The following PDIA4 variants were observed in gnomAD, a reference collection of about 807,000 sequenced individuals.
The protein encoded by PDIA4 is protein disulfide isomerase family A member 4.
A neutral mutation model predicts 62.1 loss-of-function variants in PDIA4; 33 were observed. The observed-to-expected ratio is 0.53, with a 90% CI of 0.40 to 0.71. The LOEUF is 0.71. Ranked by LOEUF, PDIA4 falls within the 30% of genes least tolerant of loss-of-function variation. The pLI, the probability that PDIA4 is intolerant of heterozygous loss-of-function variation, is 0.00. For synonymous variants in PDIA4, 341 were observed against 324.1 expected (o/e 1.05, Z -0.56); for missense variants, 804 against 813.6 (o/e 0.99, Z 0.14).
chr7:149,019,403 C>T (rs934356654), intron 2 of PDIA4, among the ~76,000 whole-genome samples: 5 of 152,126 alleles, frequency 3.3e-5, no homozygotes, highest in African/African-American at 1.2e-4. Context: ...TAGGCAAATG[C>T]ACTTTCACGA....
intron 3 of PDIA4, among the ~76,000 whole-genome samples, chr7:149,016,914 T>C (rs1054956148): frequency 6.6e-6 from 1 of 152,198 alleles, no homozygotes; most frequent in Admixed American, 6.5e-5. Context: ...ATGTATTACC[T>C]AGTCAACAAA....
In PDIA4 at chr7:149,006,032, T is replaced by A; in HGVS notation, c.1153A>T (p.Ile385Phe). ...DVQGSTQDSA[I>F]KDFVLKYALP... ...GCGTACTTCAGCACGAAGTCCTTGA[T>A]GGCCGAGTCCTGGGTGGAGCCCTGC... Residue 385 changes from isoleucine (I) to phenylalanine (F), a missense_variant, in exon 8 of 10, where the codon ATC (isoleucine) becomes TTC (phenylalanine). Coordinates refer to ENST00000652332, the MANE Select transcript of PDIA4 (RefSeq NM_004911.5). The A allele has an allele frequency of 6.4e-7, 1 of 1,565,366 alleles. No individual in the cohort carries two copies.
intron 1 of PDIA4, among the ~76,000 whole-genome samples, chr7:149,025,085 A>ATATATATATATATATATATATAT (rs1279233879): frequency 1.8e-4 from 4 of 22,346 alleles, no homozygotes; most frequent in African/African-American, 2.4e-4. Context: ...AAAAAAAAAA[A>ATATATATATATATATATATATAT]ATATATATAT....
intron 6 of PDIA4, among the ~76,000 whole-genome samples, chr7:149,010,337 A>G (rs1022020002): frequency 3.3e-5 from 5 of 152,048 alleles, no homozygotes; most frequent in African/African-American, 7.2e-5. Flanking sequence ...TGTCTCCACA[A>G]AAAAAATTAG....
chr7:149,005,309 T>C lies in PDIA4; in HGVS notation c.1354A>G (p.Ile452Val). Residue 452 changes from isoleucine to valine, a missense_variant, in exon 9 of 10, where the codon ATT becomes GTT. Coordinates refer to ENST00000652332, the MANE Select transcript of PDIA4 (RefSeq NM_004911.5). ...CCAGCATAGTCCTCTTCGTCCGCAATGGCAAAGGTGTACTCAGGGAAGTCC... is the reference window on the plus strand; with the variant it reads ...CCAGCATAGTCCTCTTCGTCCGCAACGGCAAAGGTGTACTCAGGGAAGTCC... The part of the protein sequence containing the change: ...AKDFPEYTFA[I>V]ADEEDYAGEV... 6 of 1,614,130 alleles carry C rather than the reference T, an allele frequency of 3.7e-6. No individual in the cohort carries two copies. Among genetic ancestry groups the C allele is most frequent in the Non-Finnish European group, 5.1e-6 (6 of 1,180,018 alleles).
chr7:149,006,631 C>T (rs183903247), intron 7 of PDIA4, among the ~76,000 whole-genome samples: 29 of 152,216 alleles, frequency 1.9e-4, no homozygotes, highest in Non-Finnish European at 1.0e-4. Flanking sequence ...CAAGAGGGCC[C>T]CGCTGGTGAG....
intron 6 of PDIA4, among the ~76,000 whole-genome samples, chr7:149,010,557 G>C (rs1284625189): frequency 6.6e-6 from 1 of 152,148 alleles, no homozygotes; most frequent in Non-Finnish European, 1.5e-5. Context: ...CAGGTGTCCT[G>C]GGGATTTGTA....
At chr7:149,025,488 G>A (rs968625862) in intron 1 of PDIA4, among the ~76,000 whole-genome samples, 2 of 152,180 alleles carry the variant, frequency 1.3e-5, no homozygotes, top group Non-Finnish European at 2.9e-5. Context: ...ATGATAGCTG[G>A]TATTTATTGT....
chr7:149,009,792 T>A (rs1314403143), intron 6 of PDIA4, among the ~76,000 whole-genome samples: 2 of 152,224 alleles, frequency 1.3e-5, no homozygotes, highest in Non-Finnish European at 2.9e-5. Context: ...AAAGACAGGC[T>A]ATGGCCAGAA....
intron 6 of PDIA4, among the ~76,000 whole-genome samples, chr7:149,009,321 C>T (rs774305680): frequency 2.0e-5 from 3 of 152,094 alleles, no homozygotes; most frequent in South Asian, 2.1e-4. Context: ...AAAAAAACCC[C>T]GGAAAAGTTC....
rs41278749 is a variant in PDIA4 at position 149,014,850 on chromosome 7, G to A, written c.614+54C>T. Reference sequence around the variant, plus strand: ...CTCACGGGCAGGGGCCTGCCACCCCGCACCTAGTGCCCACCAGGGTACTGA... The same window carrying A: ...CTCACGGGCAGGGGCCTGCCACCCCACACCTAGTGCCCACCAGGGTACTGA... On this transcript the variant is annotated intron_variant, in intron 4 of 9. Transcript: ENST00000652332. The A allele has an allele frequency of 7.8e-4, 1,234 of 1,572,414 alleles. 2 individuals carry two copies. The highest frequency in any genetic ancestry group is 8.4e-4 in the Non-Finnish European group (958 of 1,146,534).
chr7:149,019,044 C>A lies in PDIA4; in HGVS notation c.423G>T (p.Lys141Asn), dbSNP rs200271711. ...CTACAGCCTGCCCCTTCTTAAGGAT[C>A]TTGATGGTGGGGTAGCCACTCACAT... Reference protein sequence around the residue: ...RFDVSGYPTIKILKKGQAVDY... With the variant: ...RFDVSGYPTINILKKGQAVDY... Residue 141 changes from lysine to asparagine, a missense_variant, in exon 3 of 10, where the codon AAG (lysine) becomes AAT (asparagine). Lys to Asn is a moderately conservative substitution (Grantham distance 94). Transcript: ENST00000652332. The A allele has an allele frequency of 6.2e-7, 1 of 1,613,802 alleles. No individual in the cohort carries two copies. Among genetic ancestry groups the A allele is most frequent in the Admixed American group, 1.7e-5 (1 of 59,972 alleles).
At position 149,011,885 on chromosome 7, in the gene PDIA4, C is replaced by A. The variant is rs143550335; in HGVS notation, c.940G>T (p.Gly314Trp). Reference protein sequence around the residue: ...DDVIIIGVFKGESDPAYQQYQ... With the variant: ...DDVIIIGVFKWESDPAYQQYQ... Reference sequence around the variant, plus strand: ...TGCTGGTAGGCTGGGTCACTCTCCCCCTTAAAGACCCCGATGATGATGACA... The same window carrying A: ...TGCTGGTAGGCTGGGTCACTCTCCCACTTAAAGACCCCGATGATGATGACA... The change falls in exon 6 of 10, where the codon GGG (glycine) becomes TGG (tryptophan). Residue 314 changes from glycine (G) to tryptophan (W), a missense_variant. Transcript: ENST00000652332. The A allele has an allele frequency of 2.5e-6, 4 of 1,599,512 alleles. No individual in the cohort carries two copies. The East Asian group carries it at 6.7e-5, about 27-fold the overall frequency.
intron 1 of PDIA4, among the ~76,000 whole-genome samples, chr7:149,026,876 G>A (rs767308638): frequency 6.6e-6 from 1 of 151,258 alleles, no homozygotes; most frequent in African/African-American, 2.4e-5. Context: ...GGATTCCTAG[G>A]CTCACCCTAG....
chr7:149,019,112 TG>T lies in PDIA4; in HGVS notation c.354del (p.Lys119ArgfsTer16). ...ACAGACGCTGAGGTTGCATCGATCT[TG>T]GCAACAGGAATGGGAGGATCTTTAT... ...LKDKDPPIPV[A>X]KIDATSASVL... On this transcript the variant is annotated frameshift_variant, in exon 3 of 10. Coordinates refer to ENST00000652332, the MANE Select transcript of PDIA4 (RefSeq NM_004911.5). LOFTEE classifies it high-confidence loss of function. 1.2e-6 allele frequency: 2 copies of T among 1,613,806 alleles called. No individual in the cohort carries two copies. The highest frequency in any genetic ancestry group is 1.7e-6 in the Non-Finnish European group (2 of 1,179,840).
At chr7:149,019,314 T>G (rs1824260289) in intron 2 of PDIA4, 117 bp from the exon 3 acceptor site, 1 of 741,748 alleles carries the variant, frequency 1.3e-6, no homozygotes, top group African/African-American at 1.7e-5. Context: ...AATGTTGAAA[T>G]CTGATCCCCA....
In PDIA4 at chr7:149,003,690, G is replaced by T; in HGVS notation, c.*104C>A. 1 of 712,588 alleles carries T rather than the reference G, an allele frequency of 1.4e-6. No individual in the cohort carries two copies. Among genetic ancestry groups the T allele is most frequent in the Non-Finnish European group, 2.1e-6 (1 of 475,736 alleles). 44.1% of individuals were successfully genotyped at this position (712,588 alleles called of 1,614,324 possible). ...ATAAAAAATTAAAAAAAAAAAAAAAGGAATCCGAGATACTGTCGTTTGTTG... is the reference window on the plus strand; with the variant it reads ...ATAAAAAATTAAAAAAAAAAAAAAATGAATCCGAGATACTGTCGTTTGTTG... On this transcript the variant is annotated 3_prime_UTR_variant, in exon 10 of 10. Transcript: ENST00000652332.
At chr7:149,023,776 C>A (rs1385389151) in intron 1 of PDIA4, among the ~76,000 whole-genome samples, 2 of 152,204 alleles carry the variant, frequency 1.3e-5, no homozygotes, top group Non-Finnish European at 2.9e-5. Flanking sequence ...ACCACATAGA[C>A]AACTCCTTTA....
chr7:149,020,494 C>T (rs1197972314), intron 2 of PDIA4, among the ~76,000 whole-genome samples: 2 of 152,198 alleles, frequency 1.3e-5, no homozygotes, highest in Non-Finnish European at 2.9e-5. Flanking sequence ...GGATGCCTGA[C>T]TGGTCCCCCC....
Sources: gnomAD v4.1 joint callset for allele counts (sites outside exome capture counted in the v4.1 genomes callset) on GRCh38, gnomAD v4.1.1 for gene constraint, MANE v1.5 for transcripts, NCBI Gene and HGNC (gene_info 2026-07-23, HGNC 2026-07-21) for gene names.